MRPS33: variants seen among roughly 807,000 people sequenced by gnomAD.
MRPS33 encodes small ribosomal subunit protein mS33.
Under a neutral mutation model 11.2 loss-of-function variants are expected in MRPS33, and 11 were observed. That is an observed-to-expected ratio of 0.99 (90% CI 0.62 to 1.63). The LOEUF (loss-of-function observed/expected upper bound fraction) is 1.63. MRPS33 is among the 40% of genes most tolerant of loss of function. MRPS33 has a pLI of 0.00. For synonymous variants in MRPS33, 46 were observed against 44.0 expected (o/e 1.05, Z -0.18); for missense variants, 109 against 127.8 (o/e 0.85, Z 0.71).
rs1314760005 is a variant in MRPS33, at chr7:141,003,517, T to G, written c.*2913A>C. Reference sequence around the variant, plus strand: ...CACACTAATCTACTTCTGCGTTATCTACAAACTTCCCTGTCAATCATTGCC... The same window carrying G: ...CACACTAATCTACTTCTGCGTTATCGACAAACTTCCCTGTCAATCATTGCC... On this transcript the variant is annotated 3_prime_UTR_variant, in exon 3 of 3. Coordinates refer to ENST00000324787, the MANE Select transcript of MRPS33 (RefSeq NM_053035.3). 1 of 152,264 alleles carries G rather than the reference T, an allele frequency of 6.6e-6. No homozygotes were observed. The highest frequency in any genetic ancestry group is 2.4e-5 in the African/African-American group (1 of 41,466). The allele number at this position is 152,264 out of a possible 1,614,324, so 9.4% of individuals were successfully genotyped here.
chr7:141,012,472 G>A (rs1182017779), intron 1 of MRPS33, among the ~76,000 whole-genome samples: 1 of 152,124 alleles, frequency 6.6e-6, no homozygotes, highest in Non-Finnish European at 1.5e-5. Context: ...AATTCATTTA[G>A]CAGTTTAATG....
Position 141,006,307 on chromosome 7 carries a change from C to CT in MRPS33, c.*122dup, listed in dbSNP as rs1160646263. 7.3e-6 allele frequency: 6 copies of CT among 816,968 alleles called. No homozygotes were observed. Among genetic ancestry groups the CT allele is most frequent in the Non-Finnish European group, 9.8e-6 (5 of 508,894 alleles). 50.6% of individuals were successfully genotyped at this position (816,968 alleles called of 1,614,324 possible). A position where few individuals can be genotyped will look rare whatever the true frequency, so the allele number is the denominator to read the frequency against. On this transcript the variant is annotated 3_prime_UTR_variant, in exon 3 of 3. Coordinates refer to ENST00000324787, the MANE Select transcript of MRPS33 (RefSeq NM_053035.3). ...GGATTAGATTTCACCAAGGAGATGA[C>CT]TGTGTTCCTCCAAATAAACTTCATT...
In MRPS33 at chr7:141,006,545, G is replaced by A. The variant is rs1306102603; in HGVS notation, c.216-10C>T. On this transcript the variant is annotated splice_polypyrimidine_tract_variant and intron_variant, in intron 2 of 2. Coordinates refer to ENST00000324787, the MANE Select transcript of MRPS33 (RefSeq NM_053035.3). The stretch of plus-strand genomic sequence containing the variant: ...ATCCTGATGCTCATCTCTGAATGAA[G>A]AAGGAAAAAATAATTAACCAGTTAT... 1 of 1,607,080 alleles carries A rather than the reference G, an allele frequency of 6.2e-7. No individual in the cohort carries two copies. The highest frequency in any genetic ancestry group is 8.5e-7 in the Non-Finnish European group (1 of 1,175,258).
rs1272487092 is a variant in MRPS33, at chr7:141,005,121, AAC to A, written c.*1307_*1308del. 6.6e-6 allele frequency: 1 copy of A among 152,162 alleles called. No individual in the cohort carries two copies. Among genetic ancestry groups the A allele is most frequent in the Non-Finnish European group, 1.5e-5 (1 of 68,046 alleles). The allele number at this position is 152,162 out of a possible 1,614,324, so 9.4% of individuals were successfully genotyped here. A position where few individuals can be genotyped will look rare whatever the true frequency, so the allele number is the denominator to read the frequency against. On this transcript the variant is annotated 3_prime_UTR_variant, in exon 3 of 3. Transcript: ENST00000324787. Reference sequence around the variant, plus strand: ...AGCAGCGAGCTACTCAAATCTATACAACAGTCATCCCTCATAGAACTTCTAGT... The same window carrying A: ...AGCAGCGAGCTACTCAAATCTATACAAGTCATCCCTCATAGAACTTCTAGT...
chr7:141,009,657 A>C (rs1201528650), intron 2 of MRPS33: 1 of 152,278 alleles, frequency 6.6e-6, no homozygotes, highest in Non-Finnish European at 1.5e-5. Flanking sequence ...CCAGAAGAGA[A>C]AGAAGGCTCC....
intron 1 of MRPS33, among the ~76,000 whole-genome samples, chr7:141,013,602 T>G (rs904408463): frequency 1.3e-5 from 2 of 152,226 alleles, no homozygotes; most frequent in Non-Finnish European, 2.9e-5. Context: ...TACATTTTGA[T>G]TCACATGAAA....
rs976454154 is a variant in MRPS33 at position 141,004,084 on chromosome 7, A to C, written c.*2346T>G. The C allele has an allele frequency of 2.4e-4, 37 of 152,220 alleles. No homozygotes were observed. Among genetic ancestry groups the C allele is most frequent in the African/African-American group, 7.7e-4 (32 of 41,454 alleles). 9.4% of individuals were successfully genotyped at this position (152,220 alleles called of 1,614,324 possible). A position where few individuals can be genotyped will look rare whatever the true frequency, so the allele number is the denominator to read the frequency against. On this transcript the variant is annotated 3_prime_UTR_variant, in exon 3 of 3. Coordinates refer to ENST00000324787, the MANE Select transcript of MRPS33 (RefSeq NM_053035.3). ...GGGAGTCTGAGGTGGGTGGATCAGG[A>C]GGTCAAGAGGTTGAGACCATCCTGG... is the stretch of plus-strand genomic sequence containing the variant.
At position 141,004,729 on chromosome 7, in the gene MRPS33, G is replaced by A. The variant is rs1180022904; in HGVS notation, c.*1701C>T. ...GACATGCTAAAGATTCAGAACAACT[G>A]TTGGAAAAAAAAATCAGAGAAGCCT... On this transcript the variant is annotated 3_prime_UTR_variant, in exon 3 of 3. Coordinates refer to ENST00000324787, the MANE Select transcript of MRPS33 (RefSeq NM_053035.3). 1.3e-5 allele frequency: 2 copies of A among 151,812 alleles called. No homozygotes were observed. The highest frequency in any genetic ancestry group is 2.9e-5 in the Non-Finnish European group (2 of 67,920). The allele number at this position is 151,812 out of a possible 1,614,324, so 9.4% of individuals were successfully genotyped here.
At position 141,004,727 on chromosome 7, in the gene MRPS33, C is replaced by G. The variant is rs1820482115; in HGVS notation, c.*1703G>C. 6.6e-6 allele frequency: 1 copy of G among 151,786 alleles called. No individual in the cohort carries two copies. 9.4% of individuals were successfully genotyped at this position (151,786 alleles called of 1,614,324 possible). ...TGGACATGCTAAAGATTCAGAACAA[C>G]TGTTGGAAAAAAAAATCAGAGAAGC... On this transcript the variant is annotated 3_prime_UTR_variant, in exon 3 of 3. Coordinates refer to ENST00000324787, the MANE Select transcript of MRPS33 (RefSeq NM_053035.3).
In MRPS33 at chr7:141,005,520, A is replaced by C. The variant is rs1471759667; in HGVS notation, c.*910T>G. ...AGGTGCATGCCACGACGCCCAGCTAATTTTTGCATTTTTAGTAGGTGGGGT... is the reference window on the plus strand; with the variant it reads ...AGGTGCATGCCACGACGCCCAGCTACTTTTTGCATTTTTAGTAGGTGGGGT... On this transcript the variant is annotated 3_prime_UTR_variant, in exon 3 of 3. Coordinates refer to ENST00000324787, the MANE Select transcript of MRPS33 (RefSeq NM_053035.3). 6.6e-6 allele frequency: 1 copy of C among 151,962 alleles called. No individual in the cohort carries two copies. The highest frequency in any genetic ancestry group is 1.5e-5 in the Non-Finnish European group (1 of 68,008). 9.4% of individuals were successfully genotyped at this position (151,962 alleles called of 1,614,324 possible).
Position 141,006,424 on chromosome 7 carries a change from C to T in MRPS33, c.*6G>A. Reference sequence around the variant, plus strand: ...GGAAGAAAGTCTCCCTCTTGAGGGACCAACACTATTTCCTTTTTGCTGCTC... The same window carrying T: ...GGAAGAAAGTCTCCCTCTTGAGGGATCAACACTATTTCCTTTTTGCTGCTC... On this transcript the variant is annotated 3_prime_UTR_variant, in exon 3 of 3. Coordinates refer to ENST00000324787, the MANE Select transcript of MRPS33 (RefSeq NM_053035.3). 3.7e-6 allele frequency: 6 copies of T among 1,610,618 alleles called. No individual in the cohort carries two copies. The highest frequency in any genetic ancestry group is 5.1e-6 in the Non-Finnish European group (6 of 1,178,432).
intron 2 of MRPS33, among the ~76,000 whole-genome samples, chr7:141,009,204 T>G (rs1820611625): frequency 6.6e-6 from 1 of 151,584 alleles, no homozygotes; most frequent in African/African-American, 2.4e-5. Context: ...TGATCTTGAC[T>G]CACTGCAACC....
intron 2 of MRPS33, among the ~76,000 whole-genome samples, chr7:141,008,355 A>T (rs577877624): frequency 6.6e-6 from 1 of 152,196 alleles, no homozygotes; most frequent in Non-Finnish European, 1.5e-5. Context: ...CTGCCTCCCA[A>T]TATTTTATTT....
intron 1 of MRPS33, among the ~76,000 whole-genome samples, chr7:141,011,732 T>C (rs985302953): frequency 1.3e-5 from 2 of 151,958 alleles, no homozygotes; most frequent in African/African-American, 2.4e-5. Flanking sequence ...GAAAAACCAA[T>C]GGGAGAAATG....
At chr7:141,011,756 C>G (rs1820678739) in intron 1 of MRPS33, among the ~76,000 whole-genome samples, 1 of 152,028 alleles carries the variant, frequency 6.6e-6, no homozygotes, top group Non-Finnish European at 1.5e-5. Flanking sequence ...CAAAAACCCT[C>G]CTACATAAAA....
At position 141,014,893 on chromosome 7, in the gene MRPS33, A is replaced by T. The variant is rs1820761801; in HGVS notation, c.-28+18T>A. The T allele has an allele frequency of 6.6e-6, 1 of 152,508 alleles. No individual in the cohort carries two copies. The highest frequency in any genetic ancestry group is 2.4e-5 in the African/African-American group (1 of 41,408). 9.4% of individuals were successfully genotyped at this position (152,508 alleles called of 1,614,324 possible). A position where few individuals can be genotyped will look rare whatever the true frequency, so the allele number is the denominator to read the frequency against. On this transcript the variant is annotated intron_variant, in intron 1 of 2. Coordinates refer to ENST00000324787, the MANE Select transcript of MRPS33 (RefSeq NM_053035.3). ...ATCGCCCCTTGCTGCAGACCCCCAA[A>T]GTCACCGACAGCCTTACCTAGACCT...
chr7:141,010,239 T>A (rs1820639926), intron 2 of MRPS33, 180 bp downstream of exon 2: 3 of 596,986 alleles, frequency 5.0e-6, no homozygotes, highest in South Asian at 4.5e-5. Context: ...TTCCTTTTTT[T>A]TTTTGGTCTC....
intron 2 of MRPS33, chr7:141,009,653 G>T (rs1368800210): frequency 1.3e-5 from 2 of 152,334 alleles, no homozygotes; most frequent in South Asian, 4.1e-4. Context: ...GCCACCAGAA[G>T]AGAAAGAAGG....
At chr7:141,007,811 T>TC (rs1337283828) in intron 2 of MRPS33, among the ~76,000 whole-genome samples, 2 of 152,158 alleles carry the variant, frequency 1.3e-5, no homozygotes, top group African/African-American at 4.8e-5. Flanking sequence ...ATCTAGCCTC[T>TC]CCCCACCTAC....
Sources: gnomAD v4.1 joint callset for allele counts (sites outside exome capture counted in the v4.1 genomes callset) on GRCh38, gnomAD v4.1.1 for gene constraint, MANE v1.5 for transcripts, NCBI Gene and HGNC (gene_info 2026-07-23, HGNC 2026-07-21) for gene names.